Variants in ZSCAN5A observed in about 807,000 individuals in gnomAD.
ZSCAN5A encodes zinc finger and SCAN domain-containing protein 5A.
ZSCAN5A carries 12 observed loss-of-function variants against 23.7 expected under a neutral mutation model. The observed-to-expected ratio is 0.51, with a 90% CI of 0.32 to 0.82. ZSCAN5A has a LOEUF of 0.82. Ranked by LOEUF, ZSCAN5A falls within the 40% of genes least tolerant of loss-of-function variation. The pLI, the probability that ZSCAN5A is intolerant of heterozygous loss-of-function variation, is 0.03. For synonymous variants in ZSCAN5A, 257 were observed against 239.9 expected, an observed-to-expected ratio of 1.07 and a Z score of -0.66; for missense variants, 597 against 617.9, an observed-to-expected ratio of 0.97 and a Z score of 0.36.
intron 2 of ZSCAN5A, among the ~76,000 whole-genome samples, chr19:56,270,201 C>T (rs1278652830): frequency 6.6e-6 from 1 of 150,488 alleles, no homozygotes; most frequent in Non-Finnish European, 1.5e-5. Flanking sequence ...GGGTGGATCA[C>T]GAGGTCAGGA....
intron 2 of ZSCAN5A, among the ~76,000 whole-genome samples, chr19:56,331,175 C>T (rs997558829): frequency 2.0e-5 from 3 of 152,130 alleles, no homozygotes; most frequent in Non-Finnish European, 2.9e-5. Context: ...TCTGTTTTTG[C>T]ATGCTGTTTT....
At chr19:56,333,242 T>C (rs2041505304) in intron 2 of ZSCAN5A, among the ~76,000 whole-genome samples, 1 of 152,156 alleles carries the variant, frequency 6.6e-6, no homozygotes, top group South Asian at 2.1e-4. Context: ...AATTATTCTC[T>C]CAAATATGTT....
At chr19:56,265,446 G>A (rs1271702773) in intron 2 of ZSCAN5A, among the ~76,000 whole-genome samples, 5 of 150,910 alleles carry the variant, frequency 3.3e-5, no homozygotes, top group African/African-American at 1.2e-4. Context: ...GTAAACTGAG[G>A]AAGTGAGCTT....
chr19:56,269,835 G>A (rs2037723000), intron 2 of ZSCAN5A, among the ~76,000 whole-genome samples: 1 of 152,202 alleles, frequency 6.6e-6, no homozygotes, highest in African/African-American at 2.4e-5. Flanking sequence ...CAGAAGGAAT[G>A]TAGCTTTACC....
At chr19:56,363,263 G>A (rs1483519384) in exon 2 of ZSCAN5A, 2 of 152,214 alleles carry the variant, frequency 1.3e-5, no homozygotes, top group African/African-American at 4.8e-5. Flanking sequence ...ACATTTGCCA[G>A]ATAAGCGAAA....
chr19:56,223,981 G>C, intron 3 of ZSCAN5A, 147 bp from the exon 4 acceptor site: 1 of 758,784 alleles, frequency 1.3e-6, no homozygotes, highest in African/African-American at 1.8e-5. Context: ...TGTGGACACA[G>C]CAATCCTGTC....
chr19:56,272,136 A>G (rs2037893994), intron 2 of ZSCAN5A, among the ~76,000 whole-genome samples: 1 of 152,240 alleles, frequency 6.6e-6, no homozygotes, highest in African/African-American at 2.4e-5. Context: ...GCTAGAGGTA[A>G]GTATAAACGT....
intron 2 of ZSCAN5A, chr19:56,320,883 TGGG>T: frequency 1.3e-6 from 1 of 766,824 alleles, no homozygotes; most frequent in Non-Finnish European, 2.4e-6. Flanking sequence ...ATGTAGAGTG[TGGG>T]GTTCCAATCT....
At chr19:56,251,053 G>T (rs1188181828) in intron 2 of ZSCAN5A, among the ~76,000 whole-genome samples, 1 of 151,942 alleles carries the variant, frequency 6.6e-6, no homozygotes, top group Non-Finnish European at 1.5e-5. Context: ...GGGAAGCTGG[G>T]GCAGGAGAAT....
At chr19:56,238,341 G>T (rs923693383) in intron 2 of ZSCAN5A, among the ~76,000 whole-genome samples, 8 of 152,156 alleles carry the variant, frequency 5.3e-5, no homozygotes, top group Admixed American at 2.0e-4. Flanking sequence ...TAGCTTGATT[G>T]TAGTATAATT....
rs1312182106 is a variant in ZSCAN5A, at chr19:56,221,413, T to C, written c.*162A>G. On this transcript the variant is annotated 3_prime_UTR_variant, in exon 6 of 6. Transcript: ENST00000683990. ...TAATGAAACAGAAAACAAAGCTCAGTGGGGAGGACACATATTTACTCAAAC... is the reference window on the plus strand; with the variant it reads ...TAATGAAACAGAAAACAAAGCTCAGCGGGGAGGACACATATTTACTCAAAC... The C allele has an allele frequency of 1.3e-6, 1 of 751,774 alleles. No homozygotes were observed. Among genetic ancestry groups the C allele is most frequent in the African/African-American group, 1.7e-5 (1 of 57,238 alleles). 46.6% of individuals were successfully genotyped at this position (751,774 alleles called of 1,614,324 possible).
At chr19:56,242,070 C>G (rs559467961) in intron 2 of ZSCAN5A, among the ~76,000 whole-genome samples, 1 of 152,110 alleles carries the variant, frequency 6.6e-6, no homozygotes, top group Non-Finnish European at 1.5e-5. Context: ...GCGGGATTGC[C>G]GGATCATGCA....
intron 2 of ZSCAN5A, among the ~76,000 whole-genome samples, chr19:56,290,069 C>A (rs2039413385): frequency 6.6e-6 from 1 of 152,310 alleles, no homozygotes; most frequent in East Asian, 1.9e-4. Flanking sequence ...GTGGTTTCCC[C>A]AAACTGGCTA....
intron 2 of ZSCAN5A, among the ~76,000 whole-genome samples, chr19:56,294,215 G>A (rs1391571643): frequency 1.3e-5 from 2 of 152,176 alleles, no homozygotes; most frequent in South Asian, 4.1e-4. Context: ...CCAAACACCT[G>A]CCTAAGGGCC....
chr19:56,367,167 C>G (rs2041774099), intron 1 of ZSCAN5A: 1 of 152,060 alleles, frequency 6.6e-6, no homozygotes. Context: ...TGAGACCAGC[C>G]TGGGTAACAT....
intron 1 of ZSCAN5A, chr19:56,365,001 A>G (rs1185814933): frequency 6.6e-6 from 1 of 152,236 alleles, no homozygotes; most frequent in Non-Finnish European, 1.5e-5. Context: ...CGTGCTGTAC[A>G]CTTAAGATAG....
intron 2 of ZSCAN5A, chr19:56,246,268 C>T (rs1443514789): frequency 3.6e-6 from 1 of 281,452 alleles, no homozygotes; most frequent in Non-Finnish European, 6.6e-6. Flanking sequence ...TGTCCATGAC[C>T]CACCAGTTTA....
intron 1 of ZSCAN5A, among the ~76,000 whole-genome samples, chr19:56,366,226 G>A (rs1327233599): frequency 2.0e-5 from 3 of 151,954 alleles, no homozygotes; most frequent in Non-Finnish European, 2.9e-5. Context: ...GGCGGATCAC[G>A]AGGTCAGAGA....
In ZSCAN5A at chr19:56,254,183, T is replaced by A. The variant is rs577599732; in HGVS notation, c.-127-29010A>T. Reference sequence around the variant, plus strand: ...TACTCTACTAGAATGTATATTTAAATTTTATAATGAAATATTTTATTATTA... The same window carrying A: ...TACTCTACTAGAATGTATATTTAAAATTTATAATGAAATATTTTATTATTA... On this transcript the variant is annotated intron_variant, in intron 2 of 5. Coordinates refer to ENST00000683990, the MANE Select transcript of ZSCAN5A (RefSeq NM_001322064.3). Among the ~76,000 whole-genome samples the A allele has an allele frequency of 5.9e-5, 9 of 152,126 alleles. No homozygotes were observed. In the East Asian group the frequency reaches 1.7e-3, roughly 29 times the overall value.
Sources: allele counts gnomAD v4.1 joint callset (sites outside exome capture counted in the v4.1 genomes callset), GRCh38; gene constraint gnomAD v4.1.1; transcripts MANE v1.5; gene names NCBI Gene and HGNC (gene_info 2026-07-23, HGNC 2026-07-21).